Variants in GALK2 observed in about 807,000 individuals in gnomAD.
The protein encoded by GALK2 is galactokinase 2.
Under a neutral mutation model 52.4 loss-of-function variants are expected in GALK2, and 36 were observed. That is an observed-to-expected ratio of 0.69 (90% CI 0.53 to 0.91). The LOEUF (loss-of-function observed/expected upper bound fraction) is 0.91, where lower values mean the gene tolerates loss of function less well. Among genes scored for constraint, GALK2 ranks in the 40% least tolerant of loss-of-function variants. The pLI is 0.00. For missense variants in GALK2, 579 were observed against 559.1 expected (o/e 1.04, Z -0.36); for synonymous variants, 176 against 199.1 (o/e 0.88, Z 0.98).
intron 3 of GALK2, chr15:49,225,439 C>A: frequency 2.9e-6 from 1 of 345,952 alleles, no homozygotes; most frequent in Non-Finnish European, 5.7e-6. Context: ...GAAGCATGAA[C>A]CCTATTGTGG....
At chr15:49,251,912 T>TA (rs2091618865) in intron 5 of GALK2, among the ~76,000 whole-genome samples, 1 of 152,216 alleles carries the variant, frequency 6.6e-6, no homozygotes, top group Non-Finnish European at 1.5e-5. Context: ...CTATCCAATG[T>TA]AATATATACA....
At chr15:49,332,695 TA>T (rs1567086821), downstream of GALK2, among the ~76,000 whole-genome samples, 2 of 152,228 alleles carry the variant, frequency 1.3e-5, no homozygotes, top group African/African-American at 4.8e-5. Context: ...ATTTAAAAAC[TA>T]TTTTTCCATG....
intron 1 of GALK2, among the ~76,000 whole-genome samples, chr15:49,189,714 T>A (rs2086594992): frequency 6.6e-6 from 1 of 152,046 alleles, no homozygotes; most frequent in Non-Finnish European, 1.5e-5. Context: ...ACCAAGTGAC[T>A]AGTGGGTGGG....
intron 1 of GALK2, among the ~76,000 whole-genome samples, chr15:49,176,700 G>A (rs2085488449): frequency 6.6e-6 from 1 of 152,028 alleles, no homozygotes; most frequent in African/African-American, 2.4e-5. Flanking sequence ...GGTCACATAG[G>A]TTATTTTAGG....
intron 9 of GALK2, among the ~76,000 whole-genome samples, chr15:49,321,105 A>G (rs1372424470): frequency 3.3e-5 from 5 of 152,224 alleles, no homozygotes; most frequent in Non-Finnish European, 5.9e-5. Flanking sequence ...GATAAGTGCT[A>G]TGGAAAAAAA....
intron 5 of GALK2, among the ~76,000 whole-genome samples, chr15:49,266,919 A>G (rs1381530633): frequency 6.6e-6 from 1 of 152,190 alleles, no homozygotes; most frequent in Non-Finnish European, 1.5e-5. Flanking sequence ...ACATGGGTCC[A>G]TTACGATGAG....
intron 3 of GALK2, among the ~76,000 whole-genome samples, chr15:49,340,413 TCCCCCCC>T (rs1185588384): frequency 1.6e-5 from 1 of 64,432 alleles, no homozygotes; most frequent in African/African-American, 5.3e-5. Context: ...GCCCCCCCCC[TCCCCCCC>T]CCGCTTTGCC....
intron 5 of GALK2, among the ~76,000 whole-genome samples, chr15:49,279,441 A>C (rs1354450844): frequency 6.6e-6 from 1 of 152,192 alleles, no homozygotes; most frequent in Non-Finnish European, 1.5e-5. Flanking sequence ...TCCATTTTGC[A>C]GGGACTGGTT....
At chr15:49,363,036 G>A (rs1387818242) in intron 3 of GALK2, among the ~76,000 whole-genome samples, 1 of 151,944 alleles carries the variant, frequency 6.6e-6, no homozygotes, top group Non-Finnish European at 1.5e-5. Flanking sequence ...CCTTGTAGTG[G>A]AATCTGAATT....
At chr15:49,190,200 A>G (rs1439069601) in intron 1 of GALK2, among the ~76,000 whole-genome samples, 1 of 152,220 alleles carries the variant, frequency 6.6e-6, no homozygotes, top group East Asian at 1.9e-4. Context: ...TCCGATTTCT[A>G]TGTGAGTTCT....
chr15:49,217,001 A>G (rs1298005983), intron 2 of GALK2, among the ~76,000 whole-genome samples, 189 bp from the exon 3 acceptor site: 1 of 152,164 alleles, frequency 6.6e-6, no homozygotes, highest in East Asian at 1.9e-4. Flanking sequence ...TGTTTATTGC[A>G]TAGATAGTTG....
At chr15:49,284,780 C>T (rs1173610356) in intron 7 of GALK2, among the ~76,000 whole-genome samples, 4 of 152,156 alleles carry the variant, frequency 2.6e-5, no homozygotes, top group Admixed American at 1.3e-4. Flanking sequence ...GTCACATAGA[C>T]TTTGGCTTCC....
At chr15:49,295,613 C>G (rs1487096815) in intron 8 of GALK2, among the ~76,000 whole-genome samples, 1 of 152,136 alleles carries the variant, frequency 6.6e-6, no homozygotes, top group Non-Finnish European at 1.5e-5. Flanking sequence ...CTAGTCCTGT[C>G]TTAACTAAGT....
chr15:49,226,758 A>G (rs757734020), intron 3 of GALK2: 3 of 151,994 alleles, frequency 2.0e-5, no homozygotes, highest in Non-Finnish European at 4.4e-5. Flanking sequence ...AGTATATTCC[A>G]TAGATTTTGG....
At chr15:49,174,302 C>T (rs2085296928) in intron 1 of GALK2, among the ~76,000 whole-genome samples, 1 of 151,994 alleles carries the variant, frequency 6.6e-6, no homozygotes, top group African/African-American at 2.4e-5. Context: ...TCAAATGGCC[C>T]TGCAAAAAAG....
At chr15:49,201,051 G>GGAGT in intron 1 of GALK2, 111 bp from the exon 2 acceptor site, 1 of 442,336 alleles carries the variant, frequency 2.3e-6, no homozygotes, top group Non-Finnish European at 3.9e-6. Context: ...GCAGGCATAT[G>GGAGT]GAGTGTGTGT....
chr15:49,290,978 C>A (rs1226395805), intron 7 of GALK2, among the ~76,000 whole-genome samples: 1 of 151,934 alleles, frequency 6.6e-6, no homozygotes, highest in Non-Finnish European at 1.5e-5. Context: ...TTTTTTGAGA[C>A]CGAGTCTCAC....
intron 2 of GALK2, among the ~76,000 whole-genome samples, chr15:49,206,231 C>T (rs2088270201): frequency 6.6e-6 from 1 of 151,312 alleles, no homozygotes; most frequent in Non-Finnish European, 1.5e-5. Context: ...TTTTTTGGTT[C>T]CATATGAATT....
At chr15:49,259,321 A>G (rs2091976072) in intron 5 of GALK2, among the ~76,000 whole-genome samples, 1 of 150,052 alleles carries the variant, frequency 6.7e-6, no homozygotes, top group Non-Finnish European at 1.5e-5. Flanking sequence ...TATATCTCCT[A>G]AAGCTATCCA....
Sources: gnomAD v4.1 joint callset for allele counts (sites outside exome capture counted in the v4.1 genomes callset) on GRCh38, gnomAD v4.1.1 for gene constraint, MANE v1.5 for transcripts, NCBI Gene and HGNC (gene_info 2026-07-23, HGNC 2026-07-21) for gene names.